The following DYNC1I1 variants were observed in gnomAD, a reference collection of about 807,000 sequenced individuals.
The protein encoded by DYNC1I1 is dynein cytoplasmic 1 intermediate chain 1.
A neutral mutation model predicts 86.6 loss-of-function variants in DYNC1I1; 43 were observed. That is an observed-to-expected ratio of 0.50 (90% CI 0.39 to 0.64). DYNC1I1 has a LOEUF of 0.64. DYNC1I1 is among the 30% of genes least tolerant of loss of function. DYNC1I1 has a pLI of 0.00. For synonymous variants in DYNC1I1, 262 were observed against 283.7 expected, an observed-to-expected ratio of 0.92 and a Z score of 0.77; for missense variants, 604 against 788.8, an observed-to-expected ratio of 0.77 and a Z score of 2.81.
At chr7:95,970,411 ATTG>A (rs1463206497) in intron 6 of DYNC1I1, among the ~76,000 whole-genome samples, 15 of 152,268 alleles carry the variant, frequency 9.9e-5, no homozygotes, top group Middle Eastern at 6.8e-3. Context: ...TGCAGGGTAG[ATTG>A]ACAGCAGTGA....
chr7:95,772,890 G>A (rs1191658268), intron 1 of DYNC1I1, 117 bp downstream of exon 1: 1 of 152,124 alleles, frequency 6.6e-6, no homozygotes, highest in Non-Finnish European at 1.5e-5. Context: ...GGCCCCTGCA[G>A]CCGCAGCCGG....
At chr7:95,984,470 G>A (rs529980943) in intron 7 of DYNC1I1, among the ~76,000 whole-genome samples, 1 of 151,922 alleles carries the variant, frequency 6.6e-6, no homozygotes, top group Non-Finnish European at 1.5e-5. Flanking sequence ...ACATAGTTTT[G>A]TGAATTTATC....
chr7:95,954,253 G>A (rs1792639146), intron 6 of DYNC1I1, among the ~76,000 whole-genome samples: 1 of 149,422 alleles, frequency 6.7e-6, no homozygotes, highest in Admixed American at 6.7e-5. Context: ...ATCATAATTA[G>A]CTAGATCCAC....
chr7:96,039,505 A>G, intron 14 of DYNC1I1, 84 bp downstream of exon 14: 1 of 1,571,148 alleles, frequency 6.4e-7, no homozygotes, highest in Admixed American at 1.7e-5. Context: ...TTGTCCCTAA[A>G]GCCTCTTCCA....
intron 14 of DYNC1I1, among the ~76,000 whole-genome samples, chr7:96,050,052 G>C (rs1195921964): frequency 1.4e-5 from 2 of 147,758 alleles, no homozygotes; most frequent in East Asian, 3.9e-4. Context: ...AAAAAAAACA[G>C]TATAGCTCAA....
intron 6 of DYNC1I1, among the ~76,000 whole-genome samples, chr7:95,880,481 ACTTT>A (rs1013817139): frequency 4.6e-5 from 7 of 151,872 alleles, no homozygotes; most frequent in African/African-American, 1.5e-4. Context: ...GTTACAAGTT[ACTTT>A]CTTCTCCTTT....
downstream of DYNC1I1, among the ~76,000 whole-genome samples, chr7:96,099,811 C>A (rs1584321331): frequency 6.6e-6 from 1 of 152,168 alleles, no homozygotes; most frequent in African/African-American, 2.4e-5. Context: ...ATTCAGTCCA[C>A]AGCCCAGGGC....
intron 5 of DYNC1I1, among the ~76,000 whole-genome samples, chr7:95,848,260 T>C (rs1351901037): frequency 2.0e-5 from 3 of 148,882 alleles, no homozygotes; most frequent in African/African-American, 4.9e-5. Context: ...TGAAACCCAA[T>C]TGTAAGTTCA....
Position 95,921,062 on chromosome 7 carries a change from A to G in DYNC1I1, c.490+51064A>G, listed in dbSNP as rs536770623. On this transcript the variant is annotated intron_variant, in intron 6 of 16. Transcript: ENST00000447467. ...TCTCCCCCTTTCTGTGCACATTGCT[A>G]TTAATGTTACAGCTATGTTCATAAA... Among the ~76,000 whole-genome samples, 18 of 152,338 alleles carry G rather than the reference A, an allele frequency of 1.2e-4. No homozygotes were observed. The South Asian group carries it at 3.3e-3, about 28-fold the overall frequency.
intron 6 of DYNC1I1, among the ~76,000 whole-genome samples, chr7:95,890,427 G>C (rs891758282): frequency 3.9e-5 from 6 of 152,070 alleles, no homozygotes; most frequent in African/African-American, 1.4e-4. Context: ...GGGCCTCCTT[G>C]ACGGTGGAGG....
intron 5 of DYNC1I1, among the ~76,000 whole-genome samples, chr7:95,851,020 C>G (rs1210635209): frequency 6.6e-6 from 1 of 152,052 alleles, no homozygotes; most frequent in Non-Finnish European, 1.5e-5. Context: ...ATGCAGCCCA[C>G]TGCAACCTCA....
intron 6 of DYNC1I1, among the ~76,000 whole-genome samples, chr7:95,924,892 A>G (rs1341704773): frequency 6.6e-6 from 1 of 152,120 alleles, no homozygotes; most frequent in Non-Finnish European, 1.5e-5. Flanking sequence ...AGAGTCTCTT[A>G]GGTGACTATT....
chr7:96,107,572 C>G (rs375347395), intron 16 of DYNC1I1, among the ~76,000 whole-genome samples: 66 of 149,638 alleles, frequency 4.4e-4, no homozygotes, highest in African/African-American at 1.5e-3. Flanking sequence ...TGCTCTATTG[C>G]CCAGGCTAGA....
intron 5 of DYNC1I1, among the ~76,000 whole-genome samples, chr7:95,864,544 A>G (rs1789969351): frequency 6.6e-6 from 1 of 152,168 alleles, no homozygotes; most frequent in African/African-American, 2.4e-5. Flanking sequence ...GTCAAACCCT[A>G]GCTCTGGGGA....
chr7:96,038,342 AATATAGCATTTTTGGT>A (rs1788931717), intron 13 of DYNC1I1, among the ~76,000 whole-genome samples: 1 of 152,192 alleles, frequency 6.6e-6, no homozygotes, highest in African/African-American at 2.4e-5. Context: ...GAATATTTTA[AATATAGCATTTTTGGT>A]ATGTTTTCTC....
chr7:95,962,917 G>T (rs189526809), intron 6 of DYNC1I1, among the ~76,000 whole-genome samples: 3 of 152,234 alleles, frequency 2.0e-5, no homozygotes, highest in Non-Finnish European at 4.4e-5. Flanking sequence ...AAACACTATT[G>T]ACTTATAATG....
chr7:96,063,327 C>A (rs939601211), intron 14 of DYNC1I1, among the ~76,000 whole-genome samples: 71 of 152,040 alleles, frequency 4.7e-4, no homozygotes, highest in African/African-American at 1.6e-3. Context: ...TTGTGGGGAA[C>A]TGTGCGCATG....
Position 96,082,931 on chromosome 7 carries a change from C to A in DYNC1I1, c.1776+2443C>A, listed in dbSNP as rs182846938. On this transcript the variant is annotated intron_variant, in intron 16 of 16. Transcript: ENST00000447467. ...GCTGGTTTTCATTTTTATGTTATTG[C>A]CCTTACTTTTCTAAGTGATATTACA... Among the ~76,000 whole-genome samples, 1,058 of 152,086 alleles carry A rather than the reference C, an allele frequency of 7.0e-3. 6 individuals are homozygous for A. Among genetic ancestry groups the A allele is most frequent in the Non-Finnish European group, 0.012 (803 of 67,976 alleles).
At chr7:95,904,339 G>A (rs1464707369) in intron 6 of DYNC1I1, among the ~76,000 whole-genome samples, 1 of 152,138 alleles carries the variant, frequency 6.6e-6, no homozygotes, top group Non-Finnish European at 1.5e-5. Context: ...CTGCTGGATG[G>A]GCTGATGGAC....
Sources: gnomAD v4.1 joint callset for allele counts (sites outside exome capture counted in the v4.1 genomes callset) on GRCh38, gnomAD v4.1.1 for gene constraint, MANE v1.5 for transcripts, NCBI Gene and HGNC (gene_info 2026-07-23, HGNC 2026-07-21) for gene names.